ERICH1: variants seen among roughly 807,000 people sequenced by gnomAD.
The protein encoded by ERICH1 is glutamate rich 1.
Under a neutral mutation model 39.6 loss-of-function variants are expected in ERICH1, and 56 were observed. That is an observed-to-expected ratio of 1.41 (90% CI 1.14 to 1.77). The LOEUF is 1.77. ERICH1 is among the 40% of genes most tolerant of loss of function. The pLI, the probability that ERICH1 is intolerant of heterozygous loss-of-function variation, is 0.00. For missense variants in ERICH1, 826 were observed against 575.4 expected (o/e 1.44, Z -4.45); for synonymous variants, 313 against 223.6 (o/e 1.40, Z -3.57).
At chr8:632,233 C>T (rs552151291) in intron 3 of ERICH1, among the ~76,000 whole-genome samples, 8 of 152,102 alleles carry the variant, frequency 5.3e-5, no homozygotes, top group South Asian at 2.1e-4. Context: ...TATTGTGTGT[C>T]GTGTTTATCT....
At chr8:683,243 G>C (rs1439450687) in intron 3 of ERICH1, among the ~76,000 whole-genome samples, 2 of 152,148 alleles carry the variant, frequency 1.3e-5, no homozygotes, top group African/African-American at 2.4e-5. Context: ...CCATGTAGAA[G>C]ACCTGCCACA....
chr8:664,592 GATATTCC>G lies in ERICH1; in HGVS notation c.*4_*10del. 1 of 1,604,124 alleles carries G rather than the reference GATATTCC, an allele frequency of 6.2e-7. No homozygotes were observed. The highest frequency in any genetic ancestry group is 8.5e-7 in the Non-Finnish European group (1 of 1,176,384). ...GTTAAAGAGGAGCTGTTCTTAAAGA[GATATTCC>G]ATTTTAGTCACTGCTCTTCTCAGGA... On this transcript the variant is annotated 3_prime_UTR_variant, in exon 6 of 6. Coordinates refer to ENST00000262109, the MANE Select transcript of ERICH1 (RefSeq NM_207332.3).
At chr8:654,882 G>T (rs1056888763) in intron 3 of ERICH1, among the ~76,000 whole-genome samples, 7 of 152,214 alleles carry the variant, frequency 4.6e-5, no homozygotes, top group African/African-American at 1.4e-4. Context: ...AGGAACCTGA[G>T]GCGGGAACAC....
intron 3 of ERICH1, among the ~76,000 whole-genome samples, chr8:690,094 AGGAGGAGT>A (rs1343911034): frequency 6.6e-6 from 1 of 152,156 alleles, no homozygotes; most frequent in Non-Finnish European, 1.5e-5. Flanking sequence ...CGTCAACAAG[AGGAGGAGT>A]ACGTGCATGT....
chr8:724,326 G>C (rs1311202443), intron 1 of ERICH1, among the ~76,000 whole-genome samples: 1 of 152,214 alleles, frequency 6.6e-6, no homozygotes, highest in East Asian at 1.9e-4. Context: ...TAAAAAAGGA[G>C]AAGAAAGAAA....
chr8:686,461 A>G (rs1188288692), intron 3 of ERICH1, among the ~76,000 whole-genome samples: 2 of 151,284 alleles, frequency 1.3e-5, no homozygotes, highest in Non-Finnish European at 3.0e-5. Flanking sequence ...AAAAAAAAAA[A>G]AAAACAAAAA....
chr8:698,733 C>T (rs975057344), intron 2 of ERICH1, among the ~76,000 whole-genome samples: 3 of 152,158 alleles, frequency 2.0e-5, no homozygotes, highest in African/African-American at 7.2e-5. Flanking sequence ...CCTCCTTGGC[C>T]TCCTAAAGTG....
rs118107673 is a variant in ERICH1, at chr8:693,190, C to T, written c.170-578G>A. 7.2e-5 allele frequency among the ~76,000 whole-genome samples: 11 copies of T among 152,030 alleles called. No individual in the cohort carries two copies. In the East Asian group the frequency reaches 1.5e-3, roughly 21 times the overall value. On this transcript the variant is annotated intron_variant, in intron 2 of 5. Coordinates refer to ENST00000262109, the MANE Select transcript of ERICH1 (RefSeq NM_207332.3). ...CAGCCACAGACCACACACACAGGGA[C>T]AACAAACACACACAGACACAGACAT...
chr8:723,479 C>T (rs1435251801), intron 1 of ERICH1, among the ~76,000 whole-genome samples: 1 of 152,172 alleles, frequency 6.6e-6, no homozygotes, highest in East Asian at 1.9e-4. Flanking sequence ...CTTGGAGGTG[C>T]TTGCTCCCTG....
Position 715,913 on chromosome 8 carries a change from T to C in ERICH1, c.117A>G (p.Pro39=). ...EPQTLAVQNP[P]KKVTSEKVSQ... ...TCACTTTCTCAGAGGTCACTTTCTTTGGTGGATTTTGGACGGCCAGCGTCT... is the reference window on the plus strand; with the variant it reads ...TCACTTTCTCAGAGGTCACTTTCTTCGGTGGATTTTGGACGGCCAGCGTCT... Residue 39 remains proline (P), a synonymous_variant, in exon 2 of 6, where the codon CCA becomes CCG. Coordinates refer to ENST00000262109, the MANE Select transcript of ERICH1 (RefSeq NM_207332.3). 5 of 1,614,024 alleles carry C rather than the reference T, an allele frequency of 3.1e-6. No individual in the cohort carries two copies. The Middle Eastern group carries it at 8.3e-4, about 266-fold the overall frequency.
At chr8:699,792 GACCC>G (rs1811329881) in intron 2 of ERICH1, among the ~76,000 whole-genome samples, 12 of 65,490 alleles carry the variant, frequency 1.8e-4, no homozygotes, top group Admixed American at 1.3e-3. Context: ...CACGCGCACA[GACCC>G]GCACACGCGC....
chr8:625,984 A>C (rs982242801), intron 3 of ERICH1: 1 of 152,208 alleles, frequency 6.6e-6, no homozygotes, highest in African/African-American at 2.4e-5. Context: ...AAAGGATATT[A>C]TTTTTATTCC....
At position 731,166 on chromosome 8, in the gene ERICH1, G is replaced by C. The variant is rs767373182; in HGVS notation, c.-5C>G. 11 of 1,508,164 alleles carry C rather than the reference G, an allele frequency of 7.3e-6. No individual in the cohort carries two copies. The African/African-American group carries it at 8.6e-5, about 12-fold the overall frequency. 93.4% of individuals were successfully genotyped at this position (1,508,164 alleles called of 1,614,324 possible). On this transcript the variant is annotated 5_prime_UTR_variant, in exon 1 of 6. Transcript: ENST00000262109. Reference sequence around the variant, plus strand: ...GTGCTTCCTGTGCGCCGCCATGCGGGACCCTGCCGCGGACCTCAGACCACG... The same window carrying C: ...GTGCTTCCTGTGCGCCGCCATGCGGCACCCTGCCGCGGACCTCAGACCACG...
At chr8:690,550 G>T (rs55696534) in intron 3 of ERICH1, among the ~76,000 whole-genome samples, 2 of 152,172 alleles carry the variant, frequency 1.3e-5, no homozygotes, top group Non-Finnish European at 2.9e-5. Context: ...GCCTCCGGGA[G>T]GGTGGAAACC....
intron 3 of ERICH1, among the ~76,000 whole-genome samples, chr8:638,294 G>A (rs1255178599): frequency 2.0e-5 from 3 of 152,194 alleles, no homozygotes; most frequent in Non-Finnish European, 4.4e-5. Context: ...CAACATTCCT[G>A]GGGCTCGATG....
chr8:710,880 T>C (rs925966122), intron 2 of ERICH1, among the ~76,000 whole-genome samples: 8 of 152,346 alleles, frequency 5.3e-5, no homozygotes, highest in Admixed American at 4.6e-4. Flanking sequence ...TTTGGATAAA[T>C]GTCAAGGGGC....
chr8:674,595 C>T (rs1042623000), intron 3 of ERICH1, among the ~76,000 whole-genome samples: 3 of 152,182 alleles, frequency 2.0e-5, no homozygotes, highest in South Asian at 4.1e-4. Flanking sequence ...TGAGCCATTG[C>T]GCCTGGCCAG....
chr8:727,492 A>C (rs1819047321), intron 1 of ERICH1, among the ~76,000 whole-genome samples: 1 of 152,238 alleles, frequency 6.6e-6, no homozygotes, highest in African/African-American at 2.4e-5. Flanking sequence ...TCATCTGAGG[A>C]GTCTCAGGAA....
rs1234693325 is a variant in ERICH1 at position 645,236 on chromosome 8, T to C, written c.976+23362A>G. 2.9e-5 allele frequency among the ~76,000 whole-genome samples: 2 copies of C among 67,860 alleles called. 1 individual carries two copies. The highest frequency in any genetic ancestry group is 2.6e-4 in the Admixed American group (2 of 7,814). The allele number at this position is 67,860 out of a possible 152,430, so 44.5% of individuals were successfully genotyped here. On this transcript the variant is annotated intron_variant, in intron 3 of 3. Transcript: ENST00000522706. ...TGACCGCAGACGCGCTTTCCTTGCT[T>C]TGGGACGCACCTGCAAGGAGACCCA...
Sources: gnomAD v4.1 joint callset for allele counts (sites outside exome capture counted in the v4.1 genomes callset) on GRCh38, gnomAD v4.1.1 for gene constraint, MANE v1.5 for transcripts, NCBI Gene and HGNC (gene_info 2026-07-23, HGNC 2026-07-21) for gene names.